Variants in KIAA1549L observed in about 807,000 individuals in gnomAD.
KIAA1549L encodes the protein UPF0606 protein KIAA1549L.
A neutral mutation model predicts 160.7 loss-of-function variants in KIAA1549L; 88 were observed. That is an observed-to-expected ratio of 0.55 (90% CI 0.46 to 0.65). KIAA1549L has a LOEUF of 0.65. KIAA1549L is among the 30% of genes least tolerant of loss of function. KIAA1549L has a pLI of 0.00. For missense variants in KIAA1549L, 2,258 were observed against 2,437.5 expected, an observed-to-expected ratio of 0.93 and a Z score of 1.55; for synonymous variants, 950 against 976.7, an observed-to-expected ratio of 0.97 and a Z score of 0.51.
chr11:33,651,869 C>CG (rs1477093708), intron 17 of KIAA1549L, among the ~76,000 whole-genome samples: 1 of 38,186 alleles, frequency 2.6e-5, no homozygotes, highest in Non-Finnish European at 4.2e-5. Flanking sequence ...CTCCCCTCCC[C>CG]TCCCCCCCTT....
In KIAA1549L at chr11:33,463,727, C is replaced by G. The variant is rs1246620044; in HGVS notation, c.239-78075C>G. Among the ~76,000 whole-genome samples, 3 of 152,228 alleles carry G rather than the reference C, an allele frequency of 2.0e-5. No homozygotes were observed. The East Asian group carries it at 5.8e-4, about 29-fold the overall frequency. On this transcript the variant is annotated intron_variant, in intron 1 of 20. Coordinates refer to ENST00000658780, the MANE Select transcript of KIAA1549L (RefSeq NM_012194.3). ...TAACTTACTCTCTATGATGTCTTTC[C>G]TACATGCTTTAACTTCTTTGCTCTC...
intron 5 of KIAA1549L, 26 bp from the exon 6 acceptor site, chr11:33,552,082 G>C: frequency 1.2e-6 from 2 of 1,613,084 alleles, no homozygotes; most frequent in Non-Finnish European, 1.7e-6. Flanking sequence ...GCTTTAGTGA[G>C]CACTGATTGA....
intron 15 of KIAA1549L, among the ~76,000 whole-genome samples, chr11:33,612,248 C>T (rs988143198): frequency 5.3e-5 from 8 of 152,100 alleles, no homozygotes; most frequent in African/African-American, 1.9e-4. Flanking sequence ...CTGCTGTTGA[C>T]TCCAGAGACT....
intron 1 of KIAA1549L, among the ~76,000 whole-genome samples, chr11:33,405,007 CA>C (rs35549544): frequency 1.1e-3 from 115 of 109,256 alleles, no homozygotes; most frequent in Middle Eastern, 9.0e-3. Context: ...GACTCTGTCT[CA>C]AAAAAAAAAA....
chr11:33,530,245 A>AC (rs1238110008), intron 1 of KIAA1549L, among the ~76,000 whole-genome samples: 1 of 148,432 alleles, frequency 6.7e-6, no homozygotes, highest in African/African-American at 2.5e-5. Flanking sequence ...AATACAAAAA[A>AC]AAAAAAATTA....
At chr11:33,652,413 A>C (rs1211221661) in intron 17 of KIAA1549L, among the ~76,000 whole-genome samples, 1 of 152,076 alleles carries the variant, frequency 6.6e-6, no homozygotes, top group Non-Finnish European at 1.5e-5. Flanking sequence ...TACAGCCCAA[A>C]AGGGTCTGCC....
At chr11:33,407,442 A>G (rs527303582) in intron 1 of KIAA1549L, among the ~76,000 whole-genome samples, 10 of 151,848 alleles carry the variant, frequency 6.6e-5, no homozygotes, top group Admixed American at 6.5e-5. Context: ...CCCGGGTTCA[A>G]GTGATTCTCC....
At chr11:33,377,368 A>C (rs986922454) in intron 1 of KIAA1549L, among the ~76,000 whole-genome samples, 1 of 152,136 alleles carries the variant, frequency 6.6e-6, no homozygotes, top group Non-Finnish European at 1.5e-5. Context: ...TTTGGGAAGG[A>C]GGTCTCTCCA....
intron 1 of KIAA1549L, among the ~76,000 whole-genome samples, chr11:33,446,663 G>A (rs1370797230): frequency 2.0e-5 from 3 of 152,060 alleles, no homozygotes; most frequent in Admixed American, 6.6e-5. Context: ...TGGTGCTAGA[G>A]GATACTTTTT....
At chr11:33,501,010 A>G (rs1453903918) in intron 1 of KIAA1549L, among the ~76,000 whole-genome samples, 2 of 152,082 alleles carry the variant, frequency 1.3e-5, no homozygotes, top group Non-Finnish European at 2.9e-5. Context: ...AAAAAAAACC[A>G]AAGACATACT....
intron 16 of KIAA1549L, among the ~76,000 whole-genome samples, chr11:33,643,546 C>T (rs1851643010): frequency 4.6e-5 from 7 of 152,188 alleles, no homozygotes; most frequent in Admixed American, 4.6e-4. Flanking sequence ...AGCAGTTGAG[C>T]ATTAAGCCTC....
intron 14 of KIAA1549L, among the ~76,000 whole-genome samples, chr11:33,609,259 G>A (rs1396478427): frequency 6.6e-6 from 1 of 152,214 alleles, no homozygotes; most frequent in Non-Finnish European, 1.5e-5. Flanking sequence ...GGGAGCAGCT[G>A]CTTCCCCTTC....
intron 16 of KIAA1549L, among the ~76,000 whole-genome samples, chr11:33,634,082 G>A (rs35067732): frequency 5.3e-5 from 8 of 151,748 alleles, no homozygotes; most frequent in Non-Finnish European, 7.4e-5. Context: ...TCATTCTGTC[G>A]CCCAGGCTGG....
chr11:33,417,595 G>C (rs1850913937), intron 1 of KIAA1549L, among the ~76,000 whole-genome samples: 1 of 152,102 alleles, frequency 6.6e-6, no homozygotes, highest in Non-Finnish European at 1.5e-5. Flanking sequence ...TGCCATTGCT[G>C]TTACCTCTGC....
At chr11:33,621,060 C>T (rs576593808) in intron 16 of KIAA1549L, among the ~76,000 whole-genome samples, 1 of 152,134 alleles carries the variant, frequency 6.6e-6, no homozygotes, top group Non-Finnish European at 1.5e-5. Flanking sequence ...GGTTGGGGAA[C>T]CTTGACACCG....
intron 16 of KIAA1549L, among the ~76,000 whole-genome samples, chr11:33,634,048 T>C (rs1851374682): frequency 6.6e-6 from 1 of 152,096 alleles, no homozygotes; most frequent in African/African-American, 2.4e-5. Flanking sequence ...TTTGTTGTTG[T>C]TGTTGTTGTT....
At chr11:33,646,094 A>C in intron 17 of KIAA1549L, 58 bp downstream of exon 17, 3 of 1,322,556 alleles carry the variant, frequency 2.3e-6, no homozygotes, top group Non-Finnish European at 2.1e-6. Context: ...AGTGAGTTCC[A>C]ACAGGAGACT....
At chr11:33,523,533 G>A (rs962586056) in intron 1 of KIAA1549L, among the ~76,000 whole-genome samples, 1 of 152,140 alleles carries the variant, frequency 6.6e-6, no homozygotes, top group African/African-American at 2.4e-5. Flanking sequence ...TCTTTTCAAT[G>A]TAACAAAATT....
In KIAA1549L at chr11:33,552,128, G is replaced by C; in HGVS notation, c.3742G>C (p.Ala1248Pro). The change falls in exon 6 of 21, where the codon GCG becomes CCG. Residue 1248 changes from alanine to proline, a missense_variant. Ala to Pro is a conservative substitution (Grantham distance 27). Coordinates refer to ENST00000658780, the MANE Select transcript of KIAA1549L (RefSeq NM_012194.3). ...LKTVLQFVSQ[A>P]DNIQSCKFAQ... Reference sequence around the variant, plus strand: ...TCTAGTGCTGCAGTTTGTGAGCCAAGCGGACAACATACAGTCCTGCAAGTT... The same window carrying C: ...TCTAGTGCTGCAGTTTGTGAGCCAACCGGACAACATACAGTCCTGCAAGTT... 2 of 1,613,546 alleles carry C rather than the reference G, an allele frequency of 1.2e-6. No individual in the cohort carries two copies. Among genetic ancestry groups the C allele is most frequent in the Non-Finnish European group, 1.7e-6 (2 of 1,179,724 alleles).
Sources: allele counts gnomAD v4.1 joint callset (sites outside exome capture counted in the v4.1 genomes callset), GRCh38; gene constraint gnomAD v4.1.1; transcripts MANE v1.5; gene names NCBI Gene and HGNC (gene_info 2026-07-23, HGNC 2026-07-21).